PRKCI: variants seen among roughly 807,000 people sequenced by gnomAD.
PRKCI encodes the protein protein kinase C iota type.
PRKCI carries 43 observed loss-of-function variants against 84.0 expected under a neutral mutation model. The ratio of observed to expected loss-of-function variants is 0.51; its 90% CI spans 0.40 to 0.66. The LOEUF (loss-of-function observed/expected upper bound fraction) is 0.66, where lower values mean the gene tolerates loss of function less well. PRKCI is among the 30% of genes least tolerant of loss of function. The probability of loss-of-function intolerance (pLI) is 0.00; values close to 1 mark genes in which losing one functional copy is unlikely to be tolerated. For missense variants in PRKCI, 459 were observed against 745.6 expected (o/e 0.62, Z 4.48); for synonymous variants, 216 against 234.4 (o/e 0.92, Z 0.72).
intron 8 of PRKCI, among the ~76,000 whole-genome samples, chr3:170,277,829 C>G (rs1734154620): frequency 6.6e-6 from 1 of 151,676 alleles, no homozygotes; most frequent in Admixed American, 6.6e-5. Context: ...GTTTAAAATT[C>G]TGTGTGTGTG....
rs773224124 is a variant in PRKCI at position 170,293,383 on chromosome 3, G to C, written c.1292G>C (p.Gly431Ala). 1.4e-5 allele frequency: 22 copies of C among 1,604,044 alleles called. No individual in the cohort carries two copies. Among genetic ancestry groups the C allele is most frequent in the Non-Finnish European group, 1.9e-5 (22 of 1,177,260 alleles). Residue 431 changes from glycine to alanine, a missense_variant and splice_region_variant, in exon 14 of 18, where the codon GGT becomes GCT. Transcript: ENST00000295797. ...APEILRGEDYGFSVDWWALGV... is the reference protein window; with the variant it reads ...APEILRGEDYAFSVDWWALGV... ...ATTGCTTTAAAATTTCTTTCTGAAG[G>C]TTTCAGTGTTGACTGGTGGGCTCTT... is the stretch of plus-strand genomic sequence containing the variant.
At chr3:170,243,184 C>G (rs1733180392) in intron 2 of PRKCI, among the ~76,000 whole-genome samples, 1 of 152,108 alleles carries the variant, frequency 6.6e-6, no homozygotes, top group South Asian at 2.1e-4. Context: ...CTGTTATCCC[C>G]AAATGTTTCC....
intron 3 of PRKCI, among the ~76,000 whole-genome samples, chr3:170,261,459 TAA>T (rs1192417978): frequency 7.8e-6 from 1 of 128,028 alleles, no homozygotes; most frequent in Non-Finnish European, 1.6e-5. Flanking sequence ...GTTTTTTTTT[TAA>T]AAAAAAAAAA....
At chr3:170,274,674 C>T (rs1475806377) in intron 7 of PRKCI, among the ~76,000 whole-genome samples, 1 of 151,766 alleles carries the variant, frequency 6.6e-6, no homozygotes, top group African/African-American at 2.4e-5. Flanking sequence ...AGACAAAATG[C>T]AATCTCGTAG....
At chr3:170,264,646 A>G (rs1488930925) in intron 4 of PRKCI, among the ~76,000 whole-genome samples, 4 of 152,096 alleles carry the variant, frequency 2.6e-5, no homozygotes, top group Non-Finnish European at 4.4e-5. Flanking sequence ...AAATGTGTAT[A>G]TTTATTAGAT....
At chr3:170,239,582 T>G (rs930677964) in intron 2 of PRKCI, among the ~76,000 whole-genome samples, 2 of 152,154 alleles carry the variant, frequency 1.3e-5, no homozygotes, top group Non-Finnish European at 2.9e-5. Flanking sequence ...TTATAATACC[T>G]TTGTATTATC....
In PRKCI at chr3:170,303,859, T is replaced by C. The variant is rs1477960916; in HGVS notation, c.*732T>C. On this transcript the variant is annotated 3_prime_UTR_variant, in exon 18 of 18. Transcript: ENST00000295797. ...TAAAAATACAAAAATTAGCTGGGCA[T>C]GGTGGCACATACCTGTAATCCCAGC... The C allele has an allele frequency of 5.7e-6, 1 of 174,510 alleles. No individual in the cohort carries two copies. The highest frequency in any genetic ancestry group is 1.2e-5 in the Non-Finnish European group (1 of 80,972). The allele number at this position is 174,510 out of a possible 1,614,324, so 10.8% of individuals were successfully genotyped here.
intron 2 of PRKCI, among the ~76,000 whole-genome samples, chr3:170,250,481 G>A (rs1733416384): frequency 8.5e-6 from 1 of 117,026 alleles, no homozygotes; most frequent in African/African-American, 3.4e-5. Context: ...GTTGCTACTT[G>A]TTTCCCCCCT....
At chr3:170,271,579 T>C (rs1292379186) in intron 6 of PRKCI, among the ~76,000 whole-genome samples, 2 of 152,292 alleles carry the variant, frequency 1.3e-5, no homozygotes, top group Middle Eastern at 3.4e-3. Flanking sequence ...TTCTCTCTCT[T>C]CTTTTTTTCC....
intron 1 of PRKCI, 57 bp downstream of exon 1, chr3:170,222,827 C>T: frequency 3.4e-6 from 3 of 871,454 alleles, no homozygotes; most frequent in Non-Finnish European, 1.5e-6. Flanking sequence ...TCCACTCGGC[C>T]TGGAGGAGGG....
rs950801273 is a variant in PRKCI, at chr3:170,305,306, C to A, written c.*2179C>A. ...TCGACCTCACTTTGAGAAATACCTT[C>A]TTCAGGTTATTCTTTATGTTTGTCC... On this transcript the variant is annotated 3_prime_UTR_variant, in exon 18 of 18. Transcript: ENST00000295797. The A allele has an allele frequency of 1.3e-5, 2 of 152,604 alleles. No individual in the cohort carries two copies. The highest frequency in any genetic ancestry group is 4.8e-5 in the African/African-American group (2 of 41,438). The allele number at this position is 152,604 out of a possible 1,614,324, so 9.5% of individuals were successfully genotyped here.
At chr3:170,233,236 T>TTTTTTTTTTTTTTTTGAG (rs1553835331) in intron 1 of PRKCI, among the ~76,000 whole-genome samples, 1 of 150,224 alleles carries the variant, frequency 6.7e-6, no homozygotes, top group East Asian at 1.9e-4. Flanking sequence ...GGTTTATTTT[T>TTTTTTTTTTTTTTTTGAG]AAAAGCAATT....
chr3:170,259,699 G>A (rs1427240940), intron 2 of PRKCI, among the ~76,000 whole-genome samples: 3 of 151,922 alleles, frequency 2.0e-5, no homozygotes, highest in Non-Finnish European at 2.9e-5. Flanking sequence ...CCAGCTACTC[G>A]GGAAGCTGAG....
rs1459561623 is a variant in PRKCI at position 170,224,515 on chromosome 3, T to G, written c.101+1745T>G. On this transcript the variant is annotated intron_variant, in intron 1 of 17. Transcript: ENST00000295797. ...GAATGAGATGTTTCACTTTATTCTTTTATTTTATTTTTGTTTGTTTGTTTT... is the reference window on the plus strand; with the variant it reads ...GAATGAGATGTTTCACTTTATTCTTGTATTTTATTTTTGTTTGTTTGTTTT... Among the ~76,000 whole-genome samples, 4 of 152,170 alleles carry G rather than the reference T, an allele frequency of 2.6e-5. No homozygotes were observed. In the East Asian group the frequency reaches 7.7e-4, roughly 29 times the overall value.
intron 14 of PRKCI, among the ~76,000 whole-genome samples, chr3:170,295,426 T>C (rs1734665812): frequency 6.6e-6 from 1 of 151,996 alleles, no homozygotes. Context: ...CCCAGCACTT[T>C]GGGAGGCTGA....
At chr3:170,234,805 T>C (rs1732902923) in intron 1 of PRKCI, among the ~76,000 whole-genome samples, 1 of 152,238 alleles carries the variant, frequency 6.6e-6, no homozygotes, top group South Asian at 2.1e-4. Context: ...TGTTTTCTTT[T>C]GTTTTTATTT....
intron 4 of PRKCI, 43 bp downstream of exon 4, chr3:170,263,472 G>A (rs1469121252): frequency 2.0e-6 from 3 of 1,479,246 alleles, no homozygotes; most frequent in Middle Eastern, 1.8e-4. Context: ...GAGTTACTAT[G>A]CTATGGTACA....
chr3:170,242,585 A>G (rs1459682950), intron 2 of PRKCI, among the ~76,000 whole-genome samples: 1 of 150,096 alleles, frequency 6.7e-6, no homozygotes, highest in African/African-American at 2.5e-5. Context: ...GTTATAATGT[A>G]AAGAACTTAT....
intron 15 of PRKCI, among the ~76,000 whole-genome samples, 156 bp from the exon 16 acceptor site, chr3:170,297,148 A>G (rs565581438): frequency 2.4e-4 from 37 of 152,324 alleles, no homozygotes; most frequent in African/African-American, 7.9e-4. Context: ...AAATAACTCA[A>G]TTTGTTCTGG....
Sources: gnomAD v4.1 joint callset for allele counts (sites outside exome capture counted in the v4.1 genomes callset) on GRCh38, gnomAD v4.1.1 for gene constraint, MANE v1.5 for transcripts, NCBI Gene and HGNC (gene_info 2026-07-23, HGNC 2026-07-21) for gene names.